Variants in PCDHGB4 observed in about 807,000 individuals in gnomAD.
PCDHGB4 encodes protocadherin gamma-B4.
Under a neutral mutation model 60.5 loss-of-function variants are expected in PCDHGB4, and 38 were observed. That is an observed-to-expected ratio of 0.63 (90% confidence interval 0.48 to 0.82). The LOEUF (loss-of-function observed/expected upper bound fraction) is 0.82, where lower values mean the gene tolerates loss of function less well. Among genes scored for constraint, PCDHGB4 ranks in the 40% least tolerant of loss-of-function variants. The pLI is 0.00. For missense variants in PCDHGB4, 1,109 were observed against 1,209.6 expected, an observed-to-expected ratio of 0.92 and a Z score of 1.23; for synonymous variants, 456 against 509.7, an observed-to-expected ratio of 0.89 and a Z score of 1.42.
chr5:141,431,505 C>T lies in PCDHGB4; in HGVS notation c.2397+41224C>T. 1.2e-6 allele frequency: 2 copies of T among 1,614,018 alleles called. No individual in the cohort carries two copies. The highest frequency in any genetic ancestry group is 1.7e-6 in the Non-Finnish European group (2 of 1,180,028). On this transcript the variant is annotated intron_variant, in intron 1 of 3. Coordinates refer to ENST00000519479, the MANE Select transcript of PCDHGB4 (RefSeq NM_003736.4). This position sits in a 1 kb window ranked among gnomAD's most constrained non-coding sequence, Gnocchi z 4.8. ...GCGTTTGCTCAGCCCGAGTACCGCG[C>T]GAGCGTTCCGGAGAATCTGGCCTTG...
At position 141,389,058 on chromosome 5, in the gene PCDHGB4, A is replaced by G; in HGVS notation, c.1174A>G (p.Ile392Val). The change falls in exon 1 of 4, where the codon ATA becomes GTA. Residue 392 changes from isoleucine (I) to valine (V), a missense_variant. By Grantham distance (29) the Ile-to-Val change is conservative. This residue lies in a region of PCDHGB4 where 1,068 missense variants were observed against 1,089.9 expected (regional missense o/e 0.98). Transcript: ENST00000519479. ...ATTGGAAGGTGATGTTCCATTTAAAATATTAACTTCTTCAAGAAACACGTA... is the reference window on the plus strand; with the variant it reads ...ATTGGAAGGTGATGTTCCATTTAAAGTATTAACTTCTTCAAGAAACACGTA... ...CKLEGDVPFK[I>V]LTSSRNTYKL... 1.2e-6 allele frequency: 2 copies of G among 1,614,020 alleles called. No individual in the cohort carries two copies. The highest frequency in any genetic ancestry group is 1.7e-6 in the Non-Finnish European group (2 of 1,179,866).
In PCDHGB4 at chr5:141,476,087, C is replaced by T. The variant is rs758610836; in HGVS notation, c.2398-18720C>T. The stretch of plus-strand genomic sequence containing the variant: ...AGCGAAATCTCAGGGACGATCTGGA[C>T]CCCGCTGAGAGGAACTGCTTTTGAG... On this transcript the variant is annotated intron_variant, in intron 1 of 3. Coordinates refer to ENST00000519479, the MANE Select transcript of PCDHGB4 (RefSeq NM_003736.4). This position sits in a 1 kb window ranked among gnomAD's most constrained non-coding sequence, Gnocchi z 7.6. 9 of 1,553,656 alleles carry T rather than the reference C, an allele frequency of 5.8e-6. No individual in the cohort carries two copies. The South Asian group carries it at 1.1e-4, about 19-fold the overall frequency.
intron 1 of PCDHGB4, chr5:141,441,834 C>T (rs370689467): frequency 2.6e-5 from 9 of 352,638 alleles, no homozygotes; most frequent in Non-Finnish European, 3.9e-5. Flanking sequence ...GCAATGGCTT[C>T]GCGCTCTTGG....
At chr5:141,404,015 C>T in intron 1 of PCDHGB4, 1 of 1,613,622 alleles carries the variant, frequency 6.2e-7, no homozygotes. Context: ...TCTGTTTAGC[C>T]CAGTGAGAGA....
chr5:141,423,757 G>GGC, intron 1 of PCDHGB4: 1 of 395,122 alleles, frequency 2.5e-6, no homozygotes, highest in East Asian at 1.5e-4. Context: ...GTTTGGGGGG[G>GGC]GGGTGGGGCG....
At chr5:141,456,936 C>G (rs1012944904) in intron 1 of PCDHGB4, among the ~76,000 whole-genome samples, 20 of 152,190 alleles carry the variant, frequency 1.3e-4, no homozygotes, top group African/African-American at 4.3e-4. Context: ...GCACTCCAGC[C>G]TGGGCAACAG....
chr5:141,418,864 A>T, intron 1 of PCDHGB4: 1 of 1,614,046 alleles, frequency 6.2e-7, no homozygotes, highest in Non-Finnish European at 8.5e-7. Context: ...AAGTAATTGT[A>T]GAAGTTGTAG....
rs775104626 is a variant in PCDHGB4, at chr5:141,486,636, C to T, written c.2398-8171C>T. On this transcript the variant is annotated intron_variant, in intron 1 of 3. Transcript: ENST00000519479. This position sits in a 1 kb window ranked among gnomAD's most constrained non-coding sequence, Gnocchi z 5.0. ...TCTGACCCAGACTCTGGCTTGAATG[C>T]GCTTATCTCCTACTCACTCCTGGAG... 7 of 1,613,540 alleles carry T rather than the reference C, an allele frequency of 4.3e-6. No individual in the cohort carries two copies. The highest frequency in any genetic ancestry group is 1.3e-5 in the African/African-American group (1 of 74,926).
chr5:141,458,949 T>A (rs948180008), intron 1 of PCDHGB4, among the ~76,000 whole-genome samples: 1 of 151,814 alleles, frequency 6.6e-6, no homozygotes, highest in East Asian at 1.9e-4. Flanking sequence ...CTTAGGTTGG[T>A]CACAAATTCA....
chr5:141,422,066 A>G, intron 1 of PCDHGB4: 1 of 1,612,154 alleles, frequency 6.2e-7, no homozygotes. Context: ...GAAGTAATGT[A>G]TTCATTTCGG....
At chr5:141,462,539 T>G (rs2099042077) in intron 1 of PCDHGB4, among the ~76,000 whole-genome samples, 1 of 152,184 alleles carries the variant, frequency 6.6e-6, no homozygotes, top group African/African-American at 2.4e-5. Flanking sequence ...TTCAGTGATC[T>G]TTTCTTCTTC....
At chr5:141,474,557 G>T (rs1261720500) in intron 1 of PCDHGB4, among the ~76,000 whole-genome samples, 2 of 152,184 alleles carry the variant, frequency 1.3e-5, no homozygotes, top group Admixed American at 1.3e-4. Context: ...AAAACTGGGG[G>T]TTTTCAGAGA....
chr5:141,490,092 C>T lies in PCDHGB4; in HGVS notation c.2398-4715C>T. On this transcript the variant is annotated intron_variant, in intron 1 of 3. Coordinates refer to ENST00000519479, the MANE Select transcript of PCDHGB4 (RefSeq NM_003736.4). This position sits in a 1 kb window ranked among gnomAD's most constrained non-coding sequence, Gnocchi z 5.4. ...AACTAGACTATTCTTTTGGAGACCA[C>T]ACATCTGAGGCAGTGCGGAACCTCT... 6.2e-7 allele frequency: 1 copy of T among 1,614,240 alleles called. No individual in the cohort carries two copies.
chr5:141,393,522 G>C, intron 1 of PCDHGB4: 2 of 1,614,030 alleles, frequency 1.2e-6, no homozygotes, highest in South Asian at 2.2e-5. Flanking sequence ...GGATACAAAT[G>C]ACAATGCCCC....
intron 2 of PCDHGB4, among the ~76,000 whole-genome samples, chr5:141,499,182 C>T (rs980293990): frequency 5.3e-5 from 8 of 152,114 alleles, no homozygotes; most frequent in African/African-American, 1.7e-4. Flanking sequence ...GCCCAGCAAA[C>T]CATTTCCCCC....
chr5:141,409,572 A>G (rs1440637025), intron 1 of PCDHGB4: 2 of 1,613,920 alleles, frequency 1.2e-6, no homozygotes, highest in South Asian at 1.1e-5. Context: ...CAGACGTCCT[A>G]CGTGGTCCAC....
intron 1 of PCDHGB4, chr5:141,409,566 C>T: frequency 2.5e-6 from 4 of 1,613,978 alleles, no homozygotes; most frequent in Middle Eastern, 1.6e-4. Context: ...TTCGACCAGA[C>T]GTCCTACGTG....
At chr5:141,401,213 G>T (rs1259778152) in intron 1 of PCDHGB4, among the ~76,000 whole-genome samples, 2 of 152,014 alleles carry the variant, frequency 1.3e-5, no homozygotes, top group African/African-American at 4.8e-5. Flanking sequence ...GTGGTGGCGG[G>T]CGCCTGTAAT....
Position 141,398,804 on chromosome 5 carries a change from C to G in PCDHGB4, c.2397+8523C>G, listed in dbSNP as rs1283760076. 9 of 1,613,894 alleles carry G rather than the reference C, an allele frequency of 5.6e-6. No homozygotes were observed. In the South Asian group the frequency reaches 8.8e-5, roughly 16 times the overall value. On this transcript the variant is annotated intron_variant, in intron 1 of 3. Coordinates refer to ENST00000519479, the MANE Select transcript of PCDHGB4 (RefSeq NM_003736.4). ...GGACATCCACCCCTAAGCGGCACCA[C>G]TGAGCTCCGGATCCAGGTAACCGAC... is the stretch of plus-strand genomic sequence containing the variant.
Sources: gnomAD v4.1 joint callset for allele counts (sites outside exome capture counted in the v4.1 genomes callset) on GRCh38, gnomAD v4.1.1 for gene constraint, gnomAD v4.1.1 regional missense constraint, Gnocchi (gnomAD v3.1) non-coding constraint, MANE v1.5 for transcripts, NCBI Gene and HGNC (gene_info 2026-07-23, HGNC 2026-07-21) for gene names.